Variants in ADAMTSL1 observed in about 807,000 individuals in gnomAD.
ADAMTSL1 encodes ADAMTS-like protein 1.
A neutral mutation model predicts 201.8 loss-of-function variants in ADAMTSL1; 126 were observed. The observed-to-expected ratio is 0.62, with a 90% CI of 0.54 to 0.72. ADAMTSL1 has a LOEUF of 0.72. Among genes scored for constraint, ADAMTSL1 ranks in the 30% least tolerant of loss-of-function variants. ADAMTSL1 has a pLI of 0.00. For missense variants in ADAMTSL1, 2,679 were observed against 2,277.8 expected, an observed-to-expected ratio of 1.18 and a Z score of -3.59; for synonymous variants, 1,121 against 903.4, an observed-to-expected ratio of 1.24 and a Z score of -4.32.
intron 1 of ADAMTSL1, among the ~76,000 whole-genome samples, chr9:18,079,719 AAAT>A (rs1442538592): frequency 3.3e-5 from 5 of 149,674 alleles, no homozygotes; most frequent in African/African-American, 9.9e-5. Flanking sequence ...ATAAATAAAT[AAAT>A]AAATAAAATA....
At chr9:18,689,210 T>A (rs1216538675) in intron 13 of ADAMTSL1, among the ~76,000 whole-genome samples, 3 of 152,168 alleles carry the variant, frequency 2.0e-5, no homozygotes, top group Admixed American at 2.0e-4. Context: ...CCATCTCTTA[T>A]TTTTATACCG....
chr9:18,859,722 A>G (rs188873685), intron 23 of ADAMTSL1, among the ~76,000 whole-genome samples: 3 of 152,350 alleles, frequency 2.0e-5, no homozygotes, highest in Non-Finnish European at 4.4e-5. Flanking sequence ...ACAGAGATGT[A>G]TGTACTAGGA....
At chr9:18,340,153 C>T (rs1419990873) in intron 2 of ADAMTSL1, among the ~76,000 whole-genome samples, 1 of 152,178 alleles carries the variant, frequency 6.6e-6, no homozygotes. Context: ...TTCCCCAACA[C>T]CACCTATTCT....
Position 18,071,338 on chromosome 9 carries a change from T to C in ADAMTSL1, c.88-92524T>C, listed in dbSNP as rs185469880. Among the ~76,000 whole-genome samples the C allele has an allele frequency of 5.3e-4, 80 of 152,300 alleles. 1 individual carries two copies. Among genetic ancestry groups the C allele is most frequent in the Admixed American group, 7.2e-4 (11 of 15,294 alleles). ...TAGAATTTGTCCAGAACACCAAAAA[T>C]AAGTGTGTGTGTCTGTCTGTTCCTT... is the stretch of plus-strand genomic sequence containing the variant. On this transcript the variant is annotated intron_variant, in intron 1 of 29. Transcript: ENST00000680146.
chr9:18,073,513 G>A (rs1229790195), intron 1 of ADAMTSL1, among the ~76,000 whole-genome samples: 1 of 152,146 alleles, frequency 6.6e-6, no homozygotes, highest in Non-Finnish European at 1.5e-5. Context: ...TGCACTTGGG[G>A]GATTGGTGAA....
At chr9:18,348,446 C>T (rs1835820246) in intron 2 of ADAMTSL1, among the ~76,000 whole-genome samples, 2 of 152,164 alleles carry the variant, frequency 1.3e-5, no homozygotes, top group East Asian at 1.9e-4. Flanking sequence ...CTCTAAACCT[C>T]ACTAGTGTCA....
intron 1 of ADAMTSL1, among the ~76,000 whole-genome samples, chr9:17,923,793 C>T (rs1161245052): frequency 5.8e-5 from 8 of 139,036 alleles, no homozygotes; most frequent in African/African-American, 1.9e-4. Context: ...TTTTGAGATA[C>T]GTCCCATCAA....
intron 1 of ADAMTSL1, among the ~76,000 whole-genome samples, chr9:18,068,789 A>T (rs1822824739): frequency 1.3e-5 from 2 of 152,202 alleles, no homozygotes; most frequent in African/African-American, 2.4e-5. Flanking sequence ...AGCAAGTAAG[A>T]TACATCTTTG....
chr9:18,012,171 C>T (rs994759684), intron 1 of ADAMTSL1, among the ~76,000 whole-genome samples: 9 of 152,016 alleles, frequency 5.9e-5, no homozygotes, highest in Non-Finnish European at 1.0e-4. Context: ...CAGTGTCTCC[C>T]CAAGAACTCT....
chr9:17,983,307 G>A (rs1481447622), intron 1 of ADAMTSL1, among the ~76,000 whole-genome samples: 1 of 151,922 alleles, frequency 6.6e-6, no homozygotes, highest in Non-Finnish European at 1.5e-5. Flanking sequence ...TTGACTTTGT[G>A]ATCTGCCCGC....
chr9:18,615,932 G>T (rs946407296), intron 4 of ADAMTSL1, among the ~76,000 whole-genome samples: 1 of 152,118 alleles, frequency 6.6e-6, no homozygotes, highest in African/African-American at 2.4e-5. Flanking sequence ...CCAGAATTTT[G>T]CCAGCCCTGC....
chr9:18,267,190 A>G (rs1416580237), intron 2 of ADAMTSL1, among the ~76,000 whole-genome samples: 1 of 151,822 alleles, frequency 6.6e-6, no homozygotes, highest in Non-Finnish European at 1.5e-5. Context: ...TCATGTCCGG[A>G]CTCCCAAAGC....
intron 5 of ADAMTSL1, among the ~76,000 whole-genome samples, chr9:18,624,168 A>G (rs1390913272): frequency 6.6e-6 from 1 of 152,224 alleles, no homozygotes; most frequent in African/African-American, 2.4e-5. Context: ...ACAGTGGAAA[A>G]TGTAATTCTG....
At chr9:18,391,780 T>A (rs894246024) in intron 2 of ADAMTSL1, among the ~76,000 whole-genome samples, 2 of 152,044 alleles carry the variant, frequency 1.3e-5, no homozygotes, top group Non-Finnish European at 2.9e-5. Context: ...TTTGTTGTTG[T>A]TGTTTAAGTC....
intron 1 of ADAMTSL1, among the ~76,000 whole-genome samples, chr9:18,482,751 T>C (rs1821792283): frequency 6.6e-6 from 1 of 152,220 alleles, no homozygotes; most frequent in African/African-American, 2.4e-5. Context: ...TGTTAGAATA[T>C]TGTACTTCAT....
chr9:18,463,016 G>A (rs79032613), intron 2 of ADAMTSL1, among the ~76,000 whole-genome samples: 5,696 of 152,072 alleles, frequency 0.037, 341 homozygotes, highest in African/African-American at 0.13. Flanking sequence ...GCATCAGGAA[G>A]AGTAAGTGCA....
intron 23 of ADAMTSL1, among the ~76,000 whole-genome samples, chr9:18,871,512 G>A (rs533182828): frequency 6.6e-6 from 1 of 152,186 alleles, no homozygotes; most frequent in Non-Finnish European, 1.5e-5. Flanking sequence ...TATAAGACAA[G>A]TTCCCAAAAT....
intron 2 of ADAMTSL1, among the ~76,000 whole-genome samples, chr9:18,418,215 C>G (rs1483027888): frequency 6.6e-6 from 1 of 152,074 alleles, no homozygotes; most frequent in African/African-American, 2.4e-5. Context: ...AGAGTATCTG[C>G]TAAAAAACCC....
chr9:18,749,131 AG>A (rs1423576855), intron 15 of ADAMTSL1, among the ~76,000 whole-genome samples: 1 of 152,194 alleles, frequency 6.6e-6, no homozygotes, highest in Non-Finnish European at 1.5e-5. Context: ...TTACATCTAC[AG>A]TGACTCTATT....
Sources: allele counts gnomAD v4.1 joint callset (sites outside exome capture counted in the v4.1 genomes callset), GRCh38; gene constraint gnomAD v4.1.1; transcripts MANE v1.5; gene names NCBI Gene and HGNC (gene_info 2026-07-23, HGNC 2026-07-21).